PTPRS: variants seen among roughly 807,000 people sequenced by gnomAD.
PTPRS encodes receptor-type tyrosine-protein phosphatase S.
A neutral mutation model predicts 215.3 loss-of-function variants in PTPRS; 63 were observed. The observed-to-expected ratio is 0.29, with a 90% CI of 0.24 to 0.36. The LOEUF is 0.36. PTPRS is among the 10% of genes least tolerant of loss of function. The pLI is 1.00. For missense variants in PTPRS, 2,258 were observed against 2,825.8 expected (o/e 0.80, Z 4.56); for synonymous variants, 1,404 against 1,191.4 (o/e 1.18, Z -3.68).
chr19:5,300,210 C>G (rs541997592), intron 1 of PTPRS, among the ~76,000 whole-genome samples: 2 of 145,116 alleles, frequency 1.4e-5, no homozygotes, highest in South Asian at 4.3e-4. Context: ...CACAGCACTA[C>G]AGCCTGGGCA....
intron 1 of PTPRS, among the ~76,000 whole-genome samples, chr19:5,334,661 C>T (rs1399805133): frequency 2.0e-5 from 3 of 152,196 alleles, no homozygotes; most frequent in Non-Finnish European, 4.4e-5. Flanking sequence ...CAGGTGGCCC[C>T]CGCAGCAGAT....
Position 5,240,309 on chromosome 19 carries a change from G to A in PTPRS, c.1594C>T (p.Arg532Trp), listed in dbSNP as rs1456886552. ...QGVPGQPMNL[R>W]AEARSETSIT... ...CTGGTCTCCGACCTGGCCTCGGCCCGCAGGTTCATGGGCTGGCCCGGCACT... is the reference window on the plus strand; with the variant it reads ...CTGGTCTCCGACCTGGCCTCGGCCCACAGGTTCATGGGCTGGCCCGGCACT... The change falls in exon 12 of 38, where the codon CGG (arginine) becomes TGG (tryptophan). Residue 532 changes from arginine (R) to tryptophan (W), a missense_variant. Transcript: ENST00000262963. 1 of 1,603,504 alleles carries A rather than the reference G, an allele frequency of 6.2e-7. No individual in the cohort carries two copies. Among genetic ancestry groups the A allele is most frequent in the Non-Finnish European group, 8.5e-7 (1 of 1,176,046 alleles).
At chr19:5,299,747 C>T (rs1438273490) in intron 1 of PTPRS, among the ~76,000 whole-genome samples, 1 of 152,130 alleles carries the variant, frequency 6.6e-6, no homozygotes, top group African/African-American at 2.4e-5. Flanking sequence ...TGGTGCGCAC[C>T]TGTAATCCCA....
rs1250947259 is a variant in PTPRS at position 5,245,788 on chromosome 19, T to C, written c.976A>G (p.Ile326Val). 6 of 1,601,498 alleles carry C rather than the reference T, an allele frequency of 3.7e-6. No homozygotes were observed. The highest frequency in any genetic ancestry group is 3.4e-5 in the Admixed American group (2 of 59,170). Residue 326 changes from isoleucine to valine, a missense_variant, in exon 10 of 38, where the codon ATC becomes GTC. Coordinates refer to ENST00000262963, the MANE Select transcript of PTPRS (RefSeq NM_002850.4). ...SLGVIEAVAQITVKSLPKAPG... is the reference protein window; with the variant it reads ...SLGVIEAVAQVTVKSLPKAPG... ...GGGCCCTGCTCACATTTCACCGTGA[T>C]CTGAGCAACCGCCTCAATGACGCCC...
intron 30 of PTPRS, 63 bp downstream of exon 30, chr19:5,214,298 C>A: frequency 3.1e-6 from 5 of 1,608,516 alleles, no homozygotes; most frequent in Admixed American, 1.7e-5. Flanking sequence ...GAAGCTGGGG[C>A]CCTCTGCCTC....
At chr19:5,221,808 C>A (rs1354982592) in intron 19 of PTPRS, among the ~76,000 whole-genome samples, 3 of 152,130 alleles carry the variant, frequency 2.0e-5, no homozygotes, top group Non-Finnish European at 4.4e-5. Flanking sequence ...AAGGCTGAGC[C>A]CCAACTCTGA....
intron 14 of PTPRS, among the ~76,000 whole-genome samples, chr19:5,230,819 C>T (rs1274839970): frequency 2.6e-5 from 4 of 152,170 alleles, no homozygotes; most frequent in Non-Finnish European, 4.4e-5. Flanking sequence ...ATCTAGGCTT[C>T]GACCACGTGA....
intron 1 of PTPRS, among the ~76,000 whole-genome samples, chr19:5,306,144 G>C (rs979729791): frequency 4.5e-5 from 6 of 133,460 alleles, no homozygotes; most frequent in African/African-American, 1.6e-4. Context: ...TAGAATACAG[G>C]GTGATTTTTT....
chr19:5,233,026 C>T (rs761741646), intron 13 of PTPRS, among the ~76,000 whole-genome samples: 13 of 148,286 alleles, frequency 8.8e-5, no homozygotes, highest in East Asian at 2.1e-4. Context: ...CCAGGCACCA[C>T]GCCAAGGGAA....
intron 16 of PTPRS, 29 bp downstream of exon 16, chr19:5,229,287 G>A (rs758004815): frequency 8.7e-6 from 12 of 1,378,628 alleles, no homozygotes; most frequent in East Asian, 2.8e-5. Context: ...GCGCACAGCA[G>A]TAGGTGGGTG....
chr19:5,269,921 CAAAA>C (rs33953639), intron 4 of PTPRS, among the ~76,000 whole-genome samples: 4 of 82,626 alleles, frequency 4.8e-5, no homozygotes, highest in Non-Finnish European at 6.8e-5. Flanking sequence ...AACTCCATCT[CAAAA>C]AAAAAAAAAA....
intron 9 of PTPRS, among the ~76,000 whole-genome samples, chr19:5,246,555 C>A (rs1428577611): frequency 1.3e-5 from 2 of 152,192 alleles, no homozygotes; most frequent in Admixed American, 6.5e-5. Flanking sequence ...CTGGAAGATT[C>A]TGGCTGCCAA....
chr19:5,260,705 C>T lies in PTPRS; in HGVS notation c.595+100G>A, dbSNP rs1015496341. On this transcript the variant is annotated intron_variant, in intron 7 of 37. Coordinates refer to ENST00000262963, the MANE Select transcript of PTPRS (RefSeq NM_002850.4). ...AACAAAGGTGGTGGCAGGGTGGACA[C>T]GCATGGAAGGGGGCCTGGGGGCAGG... 1.8e-5 allele frequency: 26 copies of T among 1,446,016 alleles called. No homozygotes were observed. The Admixed American group carries it at 2.5e-4, about 14-fold the overall frequency. 89.6% of individuals were successfully genotyped at this position (1,446,016 alleles called of 1,614,324 possible). A position where few individuals can be genotyped will look rare whatever the true frequency, so the allele number is the denominator to read the frequency against.
In PTPRS at chr19:5,214,572, C is replaced by T. The variant is rs1218678810; in HGVS notation, c.4483G>A (p.Glu1495Lys). 1 of 1,611,478 alleles carries T rather than the reference C, an allele frequency of 6.2e-7. No individual in the cohort carries two copies. Among genetic ancestry groups the T allele is most frequent in the Admixed American group, 1.7e-5 (1 of 59,994 alleles). ...GGTCCAAGGCTCACCCGTGACTTCT[C>T]CTCCAGCCGCGTCATCATGACGATG... ...ATIVMMTRLE[E>K]KSRIKCDQYW... The change falls in exon 29 of 38, where the codon GAG becomes AAG. Residue 1495 changes from glutamate (E) to lysine (K), a missense_variant. This residue lies in a region of PTPRS where 927 missense variants were observed against 1,125.9 expected (regional missense o/e 0.82). Coordinates refer to ENST00000262963, the MANE Select transcript of PTPRS (RefSeq NM_002850.4).
In PTPRS at chr19:5,239,062, A is replaced by G. The variant is rs1165263208; in HGVS notation, c.1706T>C (p.Val569Ala). 6.2e-7 allele frequency: 1 copy of G among 1,608,734 alleles called. No individual in the cohort carries two copies. The change falls in exon 13 of 38, where the codon GTG (valine) becomes GCG (alanine). Residue 569 changes from valine to alanine, a missense_variant and splice_region_variant. Coordinates refer to ENST00000262963, the MANE Select transcript of PTPRS (RefSeq NM_002850.4). ...AGTCGTCGGGTCGAAGGTCCTTCCC[A>G]CCTGGGGGCAGGGCAGAGAAGGACA... is the stretch of plus-strand genomic sequence containing the variant. ...LFREGDHGRE[V>A]GRTFDPTTSY...
Position 5,206,414 on chromosome 19 carries a change from G to C in PTPRS, c.*360C>G. The C allele has an allele frequency of 3.7e-6, 1 of 272,064 alleles. No individual in the cohort carries two copies. The highest frequency in any genetic ancestry group is 7.0e-6 in the Non-Finnish European group (1 of 143,280). The allele number at this position is 272,064 out of a possible 1,614,324, so 16.9% of individuals were successfully genotyped here. On this transcript the variant is annotated 3_prime_UTR_variant, in exon 38 of 38. Coordinates refer to ENST00000262963, the MANE Select transcript of PTPRS (RefSeq NM_002850.4). The stretch of plus-strand genomic sequence containing the variant: ...CCCCGGGTCCCCCTACCACCGCTGG[G>C]GGAGGACGAGGGGTCCGTCTATGGT...
At chr19:5,319,079 G>A (rs947822557) in intron 1 of PTPRS, among the ~76,000 whole-genome samples, 2 of 152,020 alleles carry the variant, frequency 1.3e-5, no homozygotes, top group African/African-American at 4.8e-5. Flanking sequence ...ACTAACCCCA[G>A]ACATGGAAAG....
chr19:5,241,663 T>C (rs2044052327), intron 11 of PTPRS, among the ~76,000 whole-genome samples: 1 of 151,992 alleles, frequency 6.6e-6, no homozygotes, highest in Admixed American at 6.6e-5. Context: ...GTCCCGGCCC[T>C]TTGCTTCAGT....
rs1020171988 is a variant in PTPRS at position 5,337,016 on chromosome 19, C to G, written c.-95+3648G>C. Among the ~76,000 whole-genome samples, 5 of 152,254 alleles carry G rather than the reference C, an allele frequency of 3.3e-5. No individual in the cohort carries two copies. In the South Asian group the frequency reaches 1.0e-3, roughly 32 times the overall value. ...CTGGGGAGTGCCCCTTTCTGGGACC[C>G]CTGTCTCCTTCCAGAAAGTACGAGA... On this transcript the variant is annotated intron_variant, in intron 1 of 37. Coordinates refer to ENST00000262963, the MANE Select transcript of PTPRS (RefSeq NM_002850.4).
Sources: allele counts gnomAD v4.1 joint callset (sites outside exome capture counted in the v4.1 genomes callset), GRCh38; gene constraint gnomAD v4.1.1; regional missense constraint gnomAD v4.1.1; transcripts MANE v1.5; gene names NCBI Gene and HGNC (gene_info 2026-07-23, HGNC 2026-07-21).